The following HDAC9 variants were observed in gnomAD, a reference collection of about 807,000 sequenced individuals.
The protein encoded by HDAC9 is MEF-2 interacting transcription repressor (MITR) protein.
A neutral mutation model predicts 139.4 loss-of-function variants in HDAC9; 41 were observed. The observed-to-expected ratio is 0.29, with a 90% CI of 0.23 to 0.38. The LOEUF is 0.38. Among genes scored for constraint, HDAC9 ranks in the 10% least tolerant of loss-of-function variants. HDAC9 has a pLI of 1.00. For synonymous variants in HDAC9, 517 were observed against 476.2 expected (o/e 1.09, Z -1.12); for missense variants, 1,147 against 1,297.0 (o/e 0.88, Z 1.78).
At chr7:18,746,878 TGAA>T (rs56202578) in intron 13 of HDAC9, among the ~76,000 whole-genome samples, 22,367 of 152,084 alleles carry the variant, frequency 0.15, 2,002 homozygotes, top group East Asian at 0.41. Context: ...GACAAATGCT[TGAA>T]GGAGATCCAG....
At chr7:18,226,699 T>C (rs968552707) in intron 2 of HDAC9, among the ~76,000 whole-genome samples, 5 of 151,976 alleles carry the variant, frequency 3.3e-5, no homozygotes, top group South Asian at 2.1e-4. Context: ...TTGAGGAAGG[T>C]GGGTTTGGGC....
chr7:18,318,583 C>G (rs189050040), intron 1 of HDAC9, among the ~76,000 whole-genome samples: 2 of 152,246 alleles, frequency 1.3e-5, no homozygotes, highest in African/African-American at 4.8e-5. Flanking sequence ...GATTTTTAAA[C>G]TGTTCTATTG....
At chr7:18,508,007 G>A (rs548938332) in intron 2 of HDAC9, among the ~76,000 whole-genome samples, 125 of 152,304 alleles carry the variant, frequency 8.2e-4, no homozygotes, top group Non-Finnish European at 1.3e-3. Flanking sequence ...TTTGGGAACT[G>A]GGGTGAAAGA....
intron 12 of HDAC9, among the ~76,000 whole-genome samples, chr7:18,701,435 T>TG (rs1207717117): frequency 6.7e-6 from 1 of 149,848 alleles, no homozygotes; most frequent in East Asian, 2.0e-4. Context: ...AAAACACAAC[T>TG]GTACTATAGT....
At chr7:18,898,479 A>C (rs962670758) in intron 22 of HDAC9, among the ~76,000 whole-genome samples, 3 of 151,966 alleles carry the variant, frequency 2.0e-5, no homozygotes, top group Admixed American at 1.3e-4. Context: ...AGGTATGTGA[A>C]GGAGAGTAAT....
intron 2 of HDAC9, among the ~76,000 whole-genome samples, chr7:18,195,897 G>T (rs1204382468): frequency 1.3e-5 from 2 of 152,008 alleles, no homozygotes; most frequent in Admixed American, 1.3e-4. Context: ...TAAAAAATTG[G>T]TTATTCTCAA....
chr7:18,100,738 A>T (rs1919314), intron 1 of HDAC9, among the ~76,000 whole-genome samples: 117,313 of 152,144 alleles, frequency 0.77, 47,070 homozygotes, highest in East Asian at 0.94. Context: ...TTTGTTTGAT[A>T]GACTTTTTAT....
chr7:18,721,119 C>G (rs143219743), intron 12 of HDAC9, among the ~76,000 whole-genome samples: 3 of 151,922 alleles, frequency 2.0e-5, no homozygotes, highest in Admixed American at 2.0e-4. Flanking sequence ...TTATGTATGA[C>G]AAACATGCCA....
intron 2 of HDAC9, among the ~76,000 whole-genome samples, chr7:18,246,526 C>T (rs1584822293): frequency 1.3e-5 from 2 of 152,164 alleles, no homozygotes; most frequent in Admixed American, 1.3e-4. Context: ...TCCCACCTTC[C>T]TCAGACTCCC....
chr7:18,900,008 G>A (rs1215601269), intron 22 of HDAC9, among the ~76,000 whole-genome samples: 6 of 151,916 alleles, frequency 3.9e-5, no homozygotes, highest in African/African-American at 1.2e-4. Flanking sequence ...TTCAAACAAG[G>A]AGTTTCTCTA....
chr7:18,403,896 G>A (rs1242133951), intron 1 of HDAC9, among the ~76,000 whole-genome samples: 2 of 152,180 alleles, frequency 1.3e-5, no homozygotes, highest in African/African-American at 4.8e-5. Context: ...ACCCTGGGTA[G>A]GGCAGGGTAA....
At chr7:18,467,439 G>A (rs1214940376) in intron 1 of HDAC9, among the ~76,000 whole-genome samples, 1 of 151,946 alleles carries the variant, frequency 6.6e-6, no homozygotes, top group Admixed American at 6.6e-5. Context: ...TGTTTTTCCT[G>A]CTTTCTTGCC....
chr7:18,869,815 G>A (rs568117693), intron 21 of HDAC9, among the ~76,000 whole-genome samples: 30 of 152,084 alleles, frequency 2.0e-4, no homozygotes, highest in African/African-American at 6.7e-4. Flanking sequence ...ATTGGATGGA[G>A]TGTCTCTCAT....
intron 1 of HDAC9, among the ~76,000 whole-genome samples, chr7:18,343,092 T>A (rs1782138083): frequency 6.6e-6 from 1 of 151,834 alleles, no homozygotes. Flanking sequence ...CTCGGTACCC[T>A]CCTGTATAAA....
intron 2 of HDAC9, among the ~76,000 whole-genome samples, chr7:18,546,406 C>T (rs759845001): frequency 5.3e-5 from 8 of 152,146 alleles, no homozygotes; most frequent in East Asian, 1.9e-4. Context: ...ACTCGGAATA[C>T]GAACTCTCCA....
At chr7:18,530,799 T>A (rs1395904331) in intron 2 of HDAC9, among the ~76,000 whole-genome samples, 1 of 149,416 alleles carries the variant, frequency 6.7e-6, no homozygotes, top group East Asian at 1.9e-4. Flanking sequence ...TATTTATATA[T>A]GTATGTGTAT....
chr7:18,506,841 AAAGT>A (rs1338554672), intron 2 of HDAC9, among the ~76,000 whole-genome samples: 1 of 152,144 alleles, frequency 6.6e-6, no homozygotes, highest in Admixed American at 6.5e-5. Context: ...GCATATGAGA[AAAGT>A]AAGTGTAAGC....
chr7:18,103,024 T>A (rs1782949296), intron 1 of HDAC9, among the ~76,000 whole-genome samples: 1 of 152,046 alleles, frequency 6.6e-6, no homozygotes, highest in African/African-American at 2.4e-5. Context: ...AGGAATGAGG[T>A]TTAAGGGACT....
At chr7:18,265,727 G>T (rs945858610) in intron 2 of HDAC9, among the ~76,000 whole-genome samples, 13 of 152,082 alleles carry the variant, frequency 8.5e-5, no homozygotes, top group Non-Finnish European at 1.0e-4. Context: ...AGCAGTGTTT[G>T]CATTGTTGCA....
Sources: gnomAD v4.1 joint callset for allele counts (sites outside exome capture counted in the v4.1 genomes callset) on GRCh38, gnomAD v4.1.1 for gene constraint, MANE v1.5 for transcripts, NCBI Gene and HGNC (gene_info 2026-07-23, HGNC 2026-07-21) for gene names.